The following SNTG1 variants were observed in gnomAD, a reference collection of about 807,000 sequenced individuals.
SNTG1 encodes gamma-1-syntrophin.
A neutral mutation model predicts 74.7 loss-of-function variants in SNTG1; 39 were observed. The observed-to-expected ratio is 0.52, with a 90% confidence interval of 0.40 to 0.68. The LOEUF (loss-of-function observed/expected upper bound fraction) is 0.68, where lower values mean the gene tolerates loss of function less well. SNTG1 is among the 30% of genes least tolerant of loss of function. The probability of loss-of-function intolerance (pLI) is 0.00; values close to 1 mark genes in which losing one functional copy is unlikely to be tolerated. For synonymous variants in SNTG1, 254 were observed against 217.1 expected, an observed-to-expected ratio of 1.17 and a Z score of -1.49; for missense variants, 685 against 609.5, an observed-to-expected ratio of 1.12 and a Z score of -1.30.
At chr8:50,402,186 T>C (rs768956961) in intron 3 of SNTG1, 24 bp from the exon 4 acceptor site, 20 of 1,578,910 alleles carry the variant, frequency 1.3e-5, no homozygotes, top group Non-Finnish European at 1.4e-5. Context: ...TTTTCCTCTG[T>C]TTGTTTTTTT....
chr8:50,660,249 A>G (rs964676591), intron 15 of SNTG1, among the ~76,000 whole-genome samples: 53 of 131,896 alleles, frequency 4.0e-4, no homozygotes, highest in African/African-American at 1.7e-3. Flanking sequence ...AAGGAAGGAA[A>G]GAAGGAGGGA....
At chr8:50,224,979 A>AT (rs993595048) in intron 2 of SNTG1, among the ~76,000 whole-genome samples, 13 of 150,614 alleles carry the variant, frequency 8.6e-5, no homozygotes, top group African/African-American at 1.2e-4. Context: ...TTTTATTTTT[A>AT]TTTTTTTTTG....
intron 1 of SNTG1, among the ~76,000 whole-genome samples, chr8:50,102,055 A>G (rs369135362): frequency 7.2e-5 from 11 of 152,054 alleles, no homozygotes; most frequent in African/African-American, 2.7e-4. Context: ...ATGATTTATA[A>G]TCCTTTGGGT....
intron 17 of SNTG1, among the ~76,000 whole-genome samples, chr8:50,720,599 G>A (rs2095485450): frequency 6.6e-6 from 1 of 152,090 alleles, no homozygotes; most frequent in Non-Finnish European, 1.5e-5. Context: ...GACTCAAGAG[G>A]GATAATGCCA....
intron 2 of SNTG1, among the ~76,000 whole-genome samples, chr8:50,276,373 TTATATATATATATA>T (rs6150576): frequency 0.018 from 2,647 of 143,450 alleles, 91 homozygotes; most frequent in African/African-American, 0.067. Flanking sequence ...CAAGTAAATT[TTATATATATATATA>T]TATATATATA....
chr8:50,669,830 A>T (rs1304733222), intron 15 of SNTG1, among the ~76,000 whole-genome samples: 2 of 152,166 alleles, frequency 1.3e-5, no homozygotes, highest in Non-Finnish European at 2.9e-5. Flanking sequence ...GCACATCAAA[A>T]AGCTTATCCA....
chr8:50,254,199 A>G (rs2129953901), intron 2 of SNTG1, among the ~76,000 whole-genome samples: 1 of 152,288 alleles, frequency 6.6e-6, no homozygotes, highest in East Asian at 1.9e-4. Flanking sequence ...AATAAATTTA[A>G]AATAAATGCA....
intron 15 of SNTG1, among the ~76,000 whole-genome samples, chr8:50,682,917 A>G (rs7846084): frequency 0.1 from 15,605 of 152,158 alleles, 2,251 homozygotes; most frequent in African/African-American, 0.32. Flanking sequence ...CTATTTTCAA[A>G]TGTCACCTCC....
intron 9 of SNTG1, among the ~76,000 whole-genome samples, chr8:50,508,366 T>C (rs1348207136): frequency 6.6e-6 from 1 of 152,230 alleles, no homozygotes; most frequent in African/African-American, 2.4e-5. Flanking sequence ...TTGTGAATAG[T>C]GCCACAATAA....
chr8:50,036,779 T>C, intron 1 of SNTG1, among the ~76,000 whole-genome samples: 1 of 152,226 alleles, frequency 6.6e-6, no homozygotes, highest in East Asian at 1.9e-4. Flanking sequence ...GCATTCTCTG[T>C]AAGTTTAGAA....
chr8:49,918,392 G>A (rs1049541102), intron 1 of SNTG1, among the ~76,000 whole-genome samples: 4 of 152,062 alleles, frequency 2.6e-5, no homozygotes, highest in African/African-American at 7.3e-5. Flanking sequence ...CAATAACCCA[G>A]ATAATAACCT....
chr8:50,346,475 A>G (rs1248579880), intron 2 of SNTG1, among the ~76,000 whole-genome samples: 1 of 152,188 alleles, frequency 6.6e-6, no homozygotes, highest in African/African-American at 2.4e-5. Flanking sequence ...CTGAGACCCA[A>G]CAATATTAAA....
chr8:50,017,248 A>T (rs1816410789), intron 1 of SNTG1, among the ~76,000 whole-genome samples: 1 of 152,068 alleles, frequency 6.6e-6, no homozygotes, highest in African/African-American at 2.4e-5. Flanking sequence ...ATAATTATAA[A>T]ATTATTTGAT....
intron 2 of SNTG1, among the ~76,000 whole-genome samples, chr8:50,224,371 G>A (rs1310294257): frequency 1.3e-5 from 2 of 152,130 alleles, no homozygotes; most frequent in African/African-American, 2.4e-5. Flanking sequence ...AGATCCCACA[G>A]ATCACAAACA....
At chr8:50,044,009 T>A (rs1196320135) in intron 1 of SNTG1, among the ~76,000 whole-genome samples, 3 of 152,164 alleles carry the variant, frequency 2.0e-5, no homozygotes, top group Non-Finnish European at 4.4e-5. Context: ...CACATAAAAC[T>A]TTATTATCAT....
At chr8:50,324,293 C>T (rs958134458) in intron 2 of SNTG1, among the ~76,000 whole-genome samples, 3 of 152,220 alleles carry the variant, frequency 2.0e-5, no homozygotes, top group African/African-American at 4.8e-5. Flanking sequence ...TGCTCTTCCT[C>T]CCCAAGATGC....
At chr8:50,522,202 G>T (rs982615207) in intron 9 of SNTG1, among the ~76,000 whole-genome samples, 13 of 152,254 alleles carry the variant, frequency 8.5e-5, no homozygotes, top group African/African-American at 3.1e-4. Flanking sequence ...TAGCAGGCAT[G>T]AAAACTACAT....
intron 1 of SNTG1, among the ~76,000 whole-genome samples, chr8:50,084,668 T>A (rs1822714672): frequency 6.6e-6 from 1 of 152,200 alleles, no homozygotes; most frequent in South Asian, 2.1e-4. Flanking sequence ...TGCTATGGCT[T>A]AAATGTCTCT....
At chr8:50,695,200 C>G (rs2095399772) in intron 15 of SNTG1, among the ~76,000 whole-genome samples, 1 of 151,618 alleles carries the variant, frequency 6.6e-6, no homozygotes, top group African/African-American at 2.4e-5. Flanking sequence ...AAGATCCCCC[C>G]ACTCACACAC....
Sources: gnomAD v4.1 joint callset for allele counts (sites outside exome capture counted in the v4.1 genomes callset) on GRCh38, gnomAD v4.1.1 for gene constraint, MANE v1.5 for transcripts, NCBI Gene and HGNC (gene_info 2026-07-23, HGNC 2026-07-21) for gene names.